The following SLC29A4 variants were observed in gnomAD, a reference collection of about 807,000 sequenced individuals.
SLC29A4 encodes the protein equilibrative nucleoside transporter 4.
A neutral mutation model predicts 43.9 loss-of-function variants in SLC29A4; 36 were observed. The ratio of observed to expected loss-of-function variants is 0.82; its 90% CI spans 0.63 to 1.08. The LOEUF (loss-of-function observed/expected upper bound fraction) is 1.08. Among genes scored for constraint, SLC29A4 ranks in the 50% least tolerant of loss-of-function variants. The pLI is 0.00. For missense variants in SLC29A4, 869 were observed against 755.3 expected (o/e 1.15, Z -1.77); for synonymous variants, 491 against 338.0 (o/e 1.45, Z -4.97).
At chr7:5,287,011 A>G (rs1360094798) in intron 1 of SLC29A4, among the ~76,000 whole-genome samples, 1 of 152,166 alleles carries the variant, frequency 6.6e-6, no homozygotes, top group African/African-American at 2.4e-5. Flanking sequence ...CACCGTGCCC[A>G]CTGCCACCAT....
intron 1 of SLC29A4, among the ~76,000 whole-genome samples, chr7:5,285,837 C>T (rs1784910273): frequency 6.6e-6 from 1 of 151,042 alleles, no homozygotes; most frequent in Non-Finnish European, 1.5e-5. Flanking sequence ...CACAGTGAGA[C>T]CCCCATCTCT....
At chr7:5,289,780 C>T (rs776879923) in intron 2 of SLC29A4, among the ~76,000 whole-genome samples, 1 of 152,038 alleles carries the variant, frequency 6.6e-6, no homozygotes, top group Non-Finnish European at 1.5e-5. Flanking sequence ...AAGGTCATAC[C>T]GCCACCGAGC....
intron 1 of SLC29A4, among the ~76,000 whole-genome samples, chr7:5,285,042 G>A (rs1033590608): frequency 1.7e-4 from 26 of 152,300 alleles, no homozygotes; most frequent in African/African-American, 6.0e-4. Flanking sequence ...TTTGATTGTT[G>A]TAGACTGTCA....
At chr7:5,291,907 G>A in intron 5 of SLC29A4, 86 bp downstream of exon 5, 1 of 1,525,048 alleles carries the variant, frequency 6.6e-7, no homozygotes, top group Non-Finnish European at 8.8e-7. Context: ...CTGGTGGCAT[G>A]TGACATGATG....
In SLC29A4 at chr7:5,291,789, C is replaced by T; in HGVS notation, c.512C>T (p.Ala171Val). ...SRDQAYAINL[A>V]AVGTVAFGCT... ...GACCAGGCCTACGCCATCAACCTGGCCGCTGTGGGCACCGTGGCCTTCGGC... is the reference window on the plus strand; with the variant it reads ...GACCAGGCCTACGCCATCAACCTGGTCGCTGTGGGCACCGTGGCCTTCGGC... The change falls in exon 5 of 11, where the codon GCC becomes GTC. Residue 171 changes from alanine to valine, a missense_variant. Physicochemically the swap from Ala to Val is moderately conservative, Grantham distance 64. Coordinates refer to ENST00000396872, the MANE Select transcript of SLC29A4 (RefSeq NM_153247.4). 2 of 1,611,956 alleles carry T rather than the reference C, an allele frequency of 1.2e-6. No homozygotes were observed. The highest frequency in any genetic ancestry group is 8.5e-7 in the Non-Finnish European group (1 of 1,179,792).
chr7:5,286,639 T>C (rs1214370397), intron 1 of SLC29A4, among the ~76,000 whole-genome samples: 1 of 152,146 alleles, frequency 6.6e-6, no homozygotes, highest in Non-Finnish European at 1.5e-5. Context: ...ACTTAGCTCC[T>C]TCCTTTCCTC....
At chr7:5,283,580 C>T (rs1428436670) in intron 1 of SLC29A4, among the ~76,000 whole-genome samples, 1 of 152,094 alleles carries the variant, frequency 6.6e-6, no homozygotes, top group African/African-American at 2.4e-5. Flanking sequence ...GGCGCGGCGA[C>T]CCGGGCCGGG....
At chr7:5,290,673 G>T (rs778570252) in intron 2 of SLC29A4, 59 bp from the exon 3 acceptor site, 8 of 1,562,306 alleles carry the variant, frequency 5.1e-6, no homozygotes, top group Non-Finnish European at 6.1e-6. Context: ...ATCGCCCTGT[G>T]CGGTGACTGT....
At chr7:5,302,322 G>A (rs1786225125) in intron 10 of SLC29A4, among the ~76,000 whole-genome samples, 1 of 152,150 alleles carries the variant, frequency 6.6e-6, no homozygotes, top group Non-Finnish European at 1.5e-5. Context: ...GGGAGGCCAA[G>A]GTAGGACTAT....
Position 5,299,137 on chromosome 7 carries a change from G to A in SLC29A4, c.1021+11G>A, listed in dbSNP as rs1377186478. ...GGCCCACCTTCAGAGGTGAGTGCGG[G>A]GAGTCCTCTGCTGCCCTGGCTCTGG... On this transcript the variant is annotated intron_variant, in intron 8 of 10. Transcript: ENST00000396872. The A allele has an allele frequency of 6.2e-7, 1 of 1,606,608 alleles. No individual in the cohort carries two copies. Among genetic ancestry groups the A allele is most frequent in the Non-Finnish European group, 8.5e-7 (1 of 1,176,152 alleles).
intron 5 of SLC29A4, among the ~76,000 whole-genome samples, chr7:5,293,048 C>A (rs4720566): frequency 6.6e-6 from 1 of 150,800 alleles, no homozygotes; most frequent in African/African-American, 2.4e-5. Context: ...AACATCCTCT[C>A]TAGATTCATA....
chr7:5,291,193 A>G lies in SLC29A4; in HGVS notation c.371A>G (p.Asn124Ser). ...LVALAAVLLN[N>S]VLVERLTLHT... The stretch of plus-strand genomic sequence containing the variant: ...GCACTGGCAGCTGTCCTCCTGAACA[A>G]CGTCCTGGTGGAGAGACTGACCCTG... Residue 124 changes from asparagine (N) to serine (S), a missense_variant, in exon 4 of 11, where the codon AAC (asparagine) becomes AGC (serine). By Grantham distance (46) the Asn-to-Ser change is conservative (BLOSUM62 1). Transcript: ENST00000396872. 3 of 1,613,572 alleles carry G rather than the reference A, an allele frequency of 1.9e-6. No homozygotes were observed. The highest frequency in any genetic ancestry group is 1.8e-4 in the Middle Eastern group (1 of 5,710).
chr7:5,304,001 C>A lies in SLC29A4; in HGVS notation c.*1062C>A. On this transcript the variant is annotated 3_prime_UTR_variant, in exon 11 of 11. Transcript: ENST00000396872. Reference sequence around the variant, plus strand: ...TGTTTCACCCCTGCTGTGTCCCATCCCCCGTCTGTCCACTAACTGTACCGC... The same window carrying A: ...TGTTTCACCCCTGCTGTGTCCCATCACCCGTCTGTCCACTAACTGTACCGC... 1 of 152,478 alleles carries A rather than the reference C, an allele frequency of 6.6e-6. No individual in the cohort carries two copies. The allele number at this position is 152,478 out of a possible 1,614,324, so 9.4% of individuals were successfully genotyped here.
intron 7 of SLC29A4, among the ~76,000 whole-genome samples, chr7:5,298,738 T>C (rs916697915): frequency 2.6e-5 from 4 of 152,272 alleles, no homozygotes; most frequent in African/African-American, 7.2e-5. Flanking sequence ...AAGTTGAGGC[T>C]GCAGTGAGCT....
chr7:5,306,742 C>G lies in SLC29A4; in HGVS notation c.*3803C>G, dbSNP rs1429546793. ...GGTGCCCTGATATGGCAGAATGCCCCCAGACACCACCCCTACTCCAGCCCC... is the reference window on the plus strand; with the variant it reads ...GGTGCCCTGATATGGCAGAATGCCCGCAGACACCACCCCTACTCCAGCCCC... On this transcript the variant is annotated 3_prime_UTR_variant, in exon 11 of 11. Transcript: ENST00000396872. The G allele has an allele frequency of 2.0e-5, 3 of 152,096 alleles. No individual in the cohort carries two copies. The highest frequency in any genetic ancestry group is 4.4e-5 in the Non-Finnish European group (3 of 67,990). 9.4% of individuals were successfully genotyped at this position (152,096 alleles called of 1,614,324 possible).
intron 10 of SLC29A4, 83 bp downstream of exon 10, chr7:5,300,745 A>G: frequency 7.2e-6 from 11 of 1,531,232 alleles, no homozygotes; most frequent in Non-Finnish European, 9.6e-6. Context: ...GCTAGACCGC[A>G]GGAAGGTGCA....
intron 9 of SLC29A4, 142 bp from the exon 10 acceptor site, chr7:5,300,280 T>C: frequency 7.9e-7 from 1 of 1,269,662 alleles, no homozygotes; most frequent in Non-Finnish European, 1.1e-6. Context: ...AGAGGGGTGA[T>C]CCGGAGAAGG....
intron 1 of SLC29A4, among the ~76,000 whole-genome samples, chr7:5,285,997 G>C (rs1415445245): frequency 6.6e-6 from 1 of 151,520 alleles, no homozygotes; most frequent in African/African-American, 2.4e-5. Flanking sequence ...GCAACAAAGC[G>C]AGACTCTGTC....
intron 5 of SLC29A4, among the ~76,000 whole-genome samples, chr7:5,292,898 C>T (rs986383443): frequency 1.3e-5 from 2 of 151,288 alleles, no homozygotes; most frequent in Non-Finnish European, 2.9e-5. Context: ...GGGGTTTCAC[C>T]ATGTTCCTCA....
Sources: allele counts gnomAD v4.1 joint callset (sites outside exome capture counted in the v4.1 genomes callset), GRCh38; gene constraint gnomAD v4.1.1; transcripts MANE v1.5; gene names NCBI Gene and HGNC (gene_info 2026-07-23, HGNC 2026-07-21).